The following TMEM156 variants were observed in gnomAD, a reference collection of about 807,000 sequenced individuals.
TMEM156 encodes transmembrane protein 156.
TMEM156 carries 28 observed loss-of-function variants against 30.5 expected under a neutral mutation model. The observed-to-expected ratio is 0.92, with a 90% CI of 0.68 to 1.26. The LOEUF (loss-of-function observed/expected upper bound fraction) is 1.26. TMEM156 is among the 50% of genes most tolerant of loss of function. The pLI, the probability that TMEM156 is intolerant of heterozygous loss-of-function variation, is 0.00. For synonymous variants in TMEM156, 137 were observed against 119.9 expected (o/e 1.14, Z -0.93); for missense variants, 351 against 340.6 (o/e 1.03, Z -0.24).
At chr4:38,990,757 GAGA>G (rs1421687982) in intron 3 of TMEM156, among the ~76,000 whole-genome samples, 3 of 151,782 alleles carry the variant, frequency 2.0e-5, no homozygotes, top group Non-Finnish European at 1.5e-5. Flanking sequence ...CCCCCTGATG[GAGA>G]AGGCTTTTAC....
chr4:39,018,131 T>C (rs1714622403), intron 1 of TMEM156, among the ~76,000 whole-genome samples: 1 of 152,160 alleles, frequency 6.6e-6, no homozygotes, highest in African/African-American at 2.4e-5. Flanking sequence ...TTCCCTTTAG[T>C]TATGTGAGGT....
intron 4 of TMEM156, 34 bp downstream of exon 4, chr4:38,988,817 A>G: frequency 6.2e-7 from 1 of 1,612,816 alleles, no homozygotes; most frequent in Non-Finnish European, 8.5e-7. Flanking sequence ...AGAAGAGATC[A>G]GGAGTTCCTC....
At position 38,967,539 on chromosome 4, in the gene TMEM156, T is replaced by A. The variant is rs187158465; in HGVS notation, c.*141A>T. The A allele has an allele frequency of 5.1e-4, 77 of 152,356 alleles. No individual in the cohort carries two copies. Among genetic ancestry groups the A allele is most frequent in the African/African-American group, 1.8e-3 (73 of 41,588 alleles). 9.4% of individuals were successfully genotyped at this position (152,356 alleles called of 1,614,324 possible). Reference sequence around the variant, plus strand: ...GTCAGCATTCCTCCTGCTTTCCAACTGTGCATCCTCAGCTGGACACAAACA... The same window carrying A: ...GTCAGCATTCCTCCTGCTTTCCAACAGTGCATCCTCAGCTGGACACAAACA... On this transcript the variant is annotated 3_prime_UTR_variant, in exon 7 of 7. Coordinates refer to ENST00000381938, the MANE Select transcript of TMEM156 (RefSeq NM_024943.3).
rs540482050 is a variant in TMEM156 at position 39,031,407 on chromosome 4, T to C, written c.88+819A>G. 5.3e-5 allele frequency among the ~76,000 whole-genome samples: 8 copies of C among 152,334 alleles called. No individual in the cohort carries two copies. The South Asian group carries it at 1.7e-3, about 32-fold the overall frequency. The stretch of plus-strand genomic sequence containing the variant: ...CCAGTTACAAATACATACACATACA[T>C]CTGTTTAAATTTCCACTCACCTTAT... On this transcript the variant is annotated intron_variant, in intron 1 of 6. Coordinates refer to ENST00000381938, the MANE Select transcript of TMEM156 (RefSeq NM_024943.3).
chr4:39,014,341 A>G (rs1042064986), intron 1 of TMEM156, among the ~76,000 whole-genome samples: 2 of 152,212 alleles, frequency 1.3e-5, no homozygotes, highest in Admixed American at 6.6e-5. Flanking sequence ...TTTTGAATGT[A>G]AAGGTTAGGA....
intron 1 of TMEM156, among the ~76,000 whole-genome samples, chr4:39,009,621 A>G (rs1405440243): frequency 6.6e-6 from 1 of 152,238 alleles, no homozygotes; most frequent in Non-Finnish European, 1.5e-5. Context: ...GTGATTCACC[A>G]CATAAACAGA....
chr4:39,004,498 A>T (rs1045677285), intron 1 of TMEM156, among the ~76,000 whole-genome samples: 1 of 152,242 alleles, frequency 6.6e-6, no homozygotes, highest in South Asian at 2.1e-4. Flanking sequence ...TTACCAATGC[A>T]TTTGAAGCAC....
At chr4:39,004,925 C>T (rs151326522) in intron 1 of TMEM156, among the ~76,000 whole-genome samples, 252 of 152,202 alleles carry the variant, frequency 1.7e-3, no homozygotes, top group African/African-American at 5.1e-3. Context: ...AAGACCTGTA[C>T]GTGAATTTTT....
chr4:39,019,439 G>A, intron 1 of TMEM156, among the ~76,000 whole-genome samples: 1 of 151,998 alleles, frequency 6.6e-6, no homozygotes, highest in East Asian at 1.9e-4. Context: ...AATAGTCTTT[G>A]TTCCTTGCTC....
intron 1 of TMEM156, among the ~76,000 whole-genome samples, chr4:39,022,075 G>T (rs1347090727): frequency 6.6e-6 from 1 of 152,192 alleles, no homozygotes; most frequent in Non-Finnish European, 1.5e-5. Flanking sequence ...GTGTAAAGAT[G>T]TTTTCCTCCA....
intron 1 of TMEM156, among the ~76,000 whole-genome samples, chr4:38,999,991 A>G (rs1713223856): frequency 6.6e-6 from 1 of 152,258 alleles, no homozygotes; most frequent in Non-Finnish European, 1.5e-5. Flanking sequence ...CAACTTCTAA[A>G]GATGAAATTT....
intron 5 of TMEM156, chr4:38,980,912 C>T (rs1723145825): frequency 3.0e-6 from 3 of 984,186 alleles, no homozygotes; most frequent in South Asian, 9.4e-5. Context: ...ACATATATGC[C>T]TGTCACGTAA....
At chr4:38,978,451 A>G (rs1018969076) in intron 5 of TMEM156, among the ~76,000 whole-genome samples, 20 of 152,158 alleles carry the variant, frequency 1.3e-4, no homozygotes, top group African/African-American at 7.2e-5. Flanking sequence ...CCTTAGACAC[A>G]TAATAGGTAC....
intron 5 of TMEM156, among the ~76,000 whole-genome samples, chr4:38,973,550 G>C (rs1476946607): frequency 6.6e-6 from 1 of 152,038 alleles, no homozygotes; most frequent in African/African-American, 2.4e-5. Flanking sequence ...TTTGTACCCT[G>C]TCCCTTACTA....
At chr4:38,971,624 T>C (rs892236725) in intron 5 of TMEM156, among the ~76,000 whole-genome samples, 1 of 152,194 alleles carries the variant, frequency 6.6e-6, no homozygotes, top group East Asian at 1.9e-4. Flanking sequence ...TCAGCTGACT[T>C]CGAGGTGGAA....
At chr4:39,023,941 CA>C (rs959674711) in intron 1 of TMEM156, among the ~76,000 whole-genome samples, 2 of 152,194 alleles carry the variant, frequency 1.3e-5, no homozygotes, top group African/African-American at 4.8e-5. Context: ...AAAGAAGAGA[CA>C]AAACCAATTT....
chr4:38,997,912 A>G (rs1319785153), intron 2 of TMEM156, among the ~76,000 whole-genome samples: 1 of 152,244 alleles, frequency 6.6e-6, no homozygotes, highest in Non-Finnish European at 1.5e-5. Context: ...TCAGAGAAGT[A>G]AAAAGACTTC....
intron 3 of TMEM156, among the ~76,000 whole-genome samples, chr4:38,993,394 T>G (rs1312994358): frequency 6.6e-6 from 1 of 152,046 alleles, no homozygotes; most frequent in East Asian, 1.9e-4. Context: ...ATCGTGTCAC[T>G]GCACTCCAGC....
chr4:38,984,013 G>A (rs1033277764), intron 5 of TMEM156, among the ~76,000 whole-genome samples: 3 of 152,168 alleles, frequency 2.0e-5, no homozygotes, highest in East Asian at 1.9e-4. Flanking sequence ...CAGAGATCAC[G>A]TGTGTGAAGA....
Sources: allele counts gnomAD v4.1 joint callset (sites outside exome capture counted in the v4.1 genomes callset), GRCh38; gene constraint gnomAD v4.1.1; transcripts MANE v1.5; gene names NCBI Gene and HGNC (gene_info 2026-07-23, HGNC 2026-07-21).